CPNE8: variants seen among roughly 807,000 people sequenced by gnomAD.
CPNE8 encodes copine-8.
Under a neutral mutation model 81.5 loss-of-function variants are expected in CPNE8, and 45 were observed. The observed-to-expected ratio is 0.55, with a 90% CI of 0.44 to 0.71. CPNE8 has a LOEUF of 0.71. Ranked by LOEUF, CPNE8 falls within the 30% of genes least tolerant of loss-of-function variation. The pLI, the probability that CPNE8 is intolerant of heterozygous loss-of-function variation, is 0.00. For synonymous variants in CPNE8, 252 were observed against 226.3 expected (o/e 1.11, Z -1.02); for missense variants, 594 against 672.1 (o/e 0.88, Z 1.28).
At chr12:38,786,581 T>C (rs949835386) in intron 6 of CPNE8, among the ~76,000 whole-genome samples, 1 of 152,070 alleles carries the variant, frequency 6.6e-6, no homozygotes, top group Non-Finnish European at 1.5e-5. Flanking sequence ...GACTTTGTGA[T>C]CGTGTGAGTT....
intron 6 of CPNE8, among the ~76,000 whole-genome samples, chr12:38,817,844 C>T (rs967906274): frequency 3.9e-5 from 6 of 151,936 alleles, no homozygotes; most frequent in Admixed American, 6.6e-5. Context: ...AGGATGGTCT[C>T]GATCTCCTGA....
chr12:38,771,810 T>C (rs187906386), intron 7 of CPNE8, among the ~76,000 whole-genome samples: 1 of 152,222 alleles, frequency 6.6e-6, no homozygotes, highest in Non-Finnish European at 1.5e-5. Context: ...AAAATACACG[T>C]GGGACTGCAT....
intron 6 of CPNE8, among the ~76,000 whole-genome samples, chr12:38,822,223 CA>C (rs1195024410): frequency 6.6e-6 from 1 of 152,010 alleles, no homozygotes; most frequent in Non-Finnish European, 1.5e-5. Context: ...GGGATATTTC[CA>C]AAACTATCTT....
At chr12:38,746,573 TCTG>T (rs920961683) in intron 10 of CPNE8, among the ~76,000 whole-genome samples, 15 of 152,342 alleles carry the variant, frequency 9.8e-5, no homozygotes, top group African/African-American at 2.6e-4. Flanking sequence ...TATTGAGAAC[TCTG>T]CTTTCTTTCA....
chr12:38,758,580 G>A (rs1941511679), intron 10 of CPNE8, among the ~76,000 whole-genome samples: 1 of 152,224 alleles, frequency 6.6e-6, no homozygotes, highest in South Asian at 2.1e-4. Flanking sequence ...TTCCACCATT[G>A]ATTAGTTTTG....
intron 2 of CPNE8, among the ~76,000 whole-genome samples, chr12:38,874,057 C>T (rs911841077): frequency 6.6e-6 from 1 of 151,300 alleles, no homozygotes; most frequent in African/African-American, 2.4e-5. Flanking sequence ...GCTTCGGCCT[C>T]CCAAAGTGCT....
At chr12:38,755,795 C>T (rs1034712156) in intron 10 of CPNE8, among the ~76,000 whole-genome samples, 2 of 152,016 alleles carry the variant, frequency 1.3e-5, no homozygotes, top group African/African-American at 4.8e-5. Flanking sequence ...AATCCCAGCA[C>T]TTTGGGAGGC....
chr12:38,739,607 G>A (rs1234214415), intron 10 of CPNE8, among the ~76,000 whole-genome samples: 1 of 151,942 alleles, frequency 6.6e-6, no homozygotes, highest in Non-Finnish European at 1.5e-5. Context: ...ACTGACTTTG[G>A]GTCACTTAGT....
intron 7 of CPNE8, among the ~76,000 whole-genome samples, chr12:38,769,351 C>T (rs1218608932): frequency 6.6e-6 from 1 of 152,188 alleles, no homozygotes; most frequent in African/African-American, 2.4e-5. Flanking sequence ...ACTATCACCT[C>T]AAACCTCTCA....
At chr12:38,766,130 T>C (rs1941683116) in intron 8 of CPNE8, among the ~76,000 whole-genome samples, 1 of 152,192 alleles carries the variant, frequency 6.6e-6, no homozygotes, top group African/African-American at 2.4e-5. Context: ...AGTGCTGGGA[T>C]TACAGGCGTG....
intron 7 of CPNE8, among the ~76,000 whole-genome samples, chr12:38,772,631 A>T (rs1941827404): frequency 6.6e-6 from 1 of 152,188 alleles, no homozygotes; most frequent in Admixed American, 6.6e-5. Flanking sequence ...GTCAGTGAGG[A>T]TGTAGAGAAA....
At chr12:38,824,865 T>C (rs980880985) in intron 6 of CPNE8, among the ~76,000 whole-genome samples, 1 of 152,096 alleles carries the variant, frequency 6.6e-6, no homozygotes. Flanking sequence ...ACAAACATGA[T>C]TGCAAAAAGT....
chr12:38,865,109 A>C (rs150630294), intron 3 of CPNE8, among the ~76,000 whole-genome samples: 1 of 152,268 alleles, frequency 6.6e-6, no homozygotes, highest in African/African-American at 2.4e-5. Context: ...TCAAAAAACA[A>C]AGTAGGATAT....
chr12:38,817,557 A>G (rs1056561072), intron 6 of CPNE8, among the ~76,000 whole-genome samples: 8 of 148,286 alleles, frequency 5.4e-5, no homozygotes, highest in Admixed American at 6.7e-5. Context: ...ATGATTCTGT[A>G]TTACTAAAGT....
intron 2 of CPNE8, 103 bp downstream of exon 2, chr12:38,874,368 T>C (rs1331056096): frequency 7.2e-6 from 6 of 829,928 alleles, no homozygotes; most frequent in South Asian, 1.4e-5. Context: ...ATTCTCCTGT[T>C]GCTTTCTAGG....
At chr12:38,836,416 A>G (rs1448218088) in intron 5 of CPNE8, among the ~76,000 whole-genome samples, 1 of 152,146 alleles carries the variant, frequency 6.6e-6, no homozygotes, top group Non-Finnish European at 1.5e-5. Flanking sequence ...GCAGTTCTAT[A>G]TTCTATCTCC....
At chr12:38,777,937 C>A (rs1283881846) in intron 6 of CPNE8, among the ~76,000 whole-genome samples, 2 of 152,048 alleles carry the variant, frequency 1.3e-5, no homozygotes, top group Non-Finnish European at 2.9e-5. Context: ...GGAACGTGAA[C>A]CCTATTGTGA....
chr12:38,768,710 G>T (rs1941740922), intron 7 of CPNE8, among the ~76,000 whole-genome samples: 1 of 149,378 alleles, frequency 6.7e-6, no homozygotes, highest in South Asian at 2.1e-4. Flanking sequence ...TTTTTTTTTA[G>T]CAGAGACGGG....
chr12:38,799,476 A>G (rs1454253821), intron 6 of CPNE8, among the ~76,000 whole-genome samples: 1 of 152,170 alleles, frequency 6.6e-6, no homozygotes, highest in Non-Finnish European at 1.5e-5. Context: ...AAGGCAGAAA[A>G]AAAGATATTC....
Sources: allele counts gnomAD v4.1 joint callset (sites outside exome capture counted in the v4.1 genomes callset), GRCh38; gene constraint gnomAD v4.1.1; transcripts MANE v1.5; gene names NCBI Gene and HGNC (gene_info 2026-07-23, HGNC 2026-07-21).